The following ADA2 variants were observed in gnomAD, a reference collection of about 807,000 sequenced individuals.
ADA2 encodes the protein adenosine deaminase 2.
ADA2 carries 29 observed loss-of-function variants against 44.2 expected under a neutral mutation model. The ratio of observed to expected loss-of-function variants is 0.66; its 90% CI spans 0.49 to 0.89. The LOEUF (loss-of-function observed/expected upper bound fraction) is 0.89. ADA2 is among the 40% of genes least tolerant of loss of function. The pLI, the probability that ADA2 is intolerant of heterozygous loss-of-function variation, is 0.00. For synonymous variants in ADA2, 215 were observed against 234.9 expected (o/e 0.92, Z 0.77); for missense variants, 637 against 644.8 (o/e 0.99, Z 0.13).
At chr22:17,185,884 C>G (rs1444615504) in intron 7 of ADA2, among the ~76,000 whole-genome samples, 5 of 152,224 alleles carry the variant, frequency 3.3e-5, no homozygotes, top group Admixed American at 2.0e-4. Flanking sequence ...GAGCTGCCCT[C>G]CTGGTCCCGG....
chr22:17,185,286 C>T (rs1467664576), intron 7 of ADA2, among the ~76,000 whole-genome samples: 4 of 151,314 alleles, frequency 2.6e-5, no homozygotes, highest in Non-Finnish European at 5.9e-5. Context: ...TGGTGGCAGG[C>T]GCCCGAGTAG....
rs763728425 is a variant in ADA2 at position 17,182,709 on chromosome 22, G to T, written c.1134C>A (p.Asn378Lys). 1.2e-6 allele frequency: 2 copies of T among 1,613,958 alleles called. No homozygotes were observed. Among genetic ancestry groups the T allele is most frequent in the South Asian group, 2.2e-5 (2 of 91,032 alleles). ...CAAATCCATGGCCGATTCTGGTAGT[G>T]TTCAGCATCAGAGCATCCAGAATGT... Reference protein sequence around the residue: ...DRNILDALMLNTTRIGHGFAL... With the variant: ...DRNILDALMLKTTRIGHGFAL... The change falls in exon 8 of 10, where the codon AAC becomes AAA. Residue 378 changes from asparagine to lysine, a missense_variant. Asn to Lys is a moderately conservative substitution (Grantham distance 94, BLOSUM62 0). Coordinates refer to ENST00000399837, the MANE Select transcript of ADA2 (RefSeq NM_001282225.2).
chr22:17,203,437 G>A (rs1463073040), intron 4 of ADA2, 126 bp downstream of exon 4: 9 of 729,246 alleles, frequency 1.2e-5, no homozygotes, highest in African/African-American at 1.2e-4. Context: ...CCCTGGAAAG[G>A]CACATGATCC....
chr22:17,186,724 C>T (rs2062039951), intron 7 of ADA2, among the ~76,000 whole-genome samples: 1 of 151,804 alleles, frequency 6.6e-6, no homozygotes, highest in South Asian at 2.1e-4. Flanking sequence ...CAAAAATTAG[C>T]TAGGCATGGT....
rs560423380 is a variant in ADA2, at chr22:17,213,060, G to A, written c.-46-3337C>T. On this transcript the variant is annotated intron_variant, in intron 1 of 9. Transcript: ENST00000399837. Reference sequence around the variant, plus strand: ...CTGCCTCTACCTCCCGACATTCTGGGATTATAGATCTGAGCCACCAGGCCC... The same window carrying A: ...CTGCCTCTACCTCCCGACATTCTGGAATTATAGATCTGAGCCACCAGGCCC... Among the ~76,000 whole-genome samples, 43 of 151,842 alleles carry A rather than the reference G, an allele frequency of 2.8e-4. 1 individual carries two copies. The South Asian group carries it at 4.8e-3, about 17-fold the overall frequency.
chr22:17,195,179 G>C (rs1342317169), intron 4 of ADA2, among the ~76,000 whole-genome samples: 1 of 152,034 alleles, frequency 6.6e-6, no homozygotes, highest in African/African-American at 2.4e-5. Flanking sequence ...AACTTCTTTG[G>C]TGCTTCACGT....
intron 4 of ADA2, among the ~76,000 whole-genome samples, chr22:17,196,607 C>A (rs986529314): frequency 2.0e-5 from 3 of 152,092 alleles, no homozygotes; most frequent in Non-Finnish European, 2.9e-5. Flanking sequence ...CCCACACCCC[C>A]CAGCTAGATT....
Position 17,207,233 on chromosome 22 carries a change from T to A in ADA2, c.380A>T (p.Asn127Ile), listed in dbSNP as rs547716532. 6.8e-6 allele frequency: 11 copies of A among 1,613,646 alleles called. No homozygotes were observed. The highest frequency in any genetic ancestry group is 8.5e-6 in the Non-Finnish European group (10 of 1,179,606). Residue 127 changes from asparagine (N) to isoleucine (I), a missense_variant, in exon 3 of 10, where the codon AAT becomes ATT. By Grantham distance (149) the Asn-to-Ile change is moderately radical (BLOSUM62 -3). Transcript: ENST00000399837. ...GIVTMDWLVR[N>I]VTYRPHCHIC... ...GTGGCAGTGAGGCCTGTAGGTGACA[T>A]TCCTCACCAGCCAGTCCATAGTCAC...
intron 5 of ADA2, among the ~76,000 whole-genome samples, chr22:17,190,325 G>A (rs982649415): frequency 5.9e-5 from 9 of 152,186 alleles, no homozygotes; most frequent in Non-Finnish European, 1.0e-4. Context: ...ATTTGTCTGC[G>A]TTTAGAGGAG....
At chr22:17,194,030 A>G (rs1356926794) in intron 4 of ADA2, among the ~76,000 whole-genome samples, 1 of 151,570 alleles carries the variant, frequency 6.6e-6, no homozygotes, top group African/African-American at 2.4e-5. Context: ...AAAAAAAAAA[A>G]AAAAAGAAAC....
rs58754958 is a variant in ADA2 at position 17,181,809 on chromosome 22, A to G, written c.1442+11T>C. The G allele has an allele frequency of 0.31, 495,160 of 1,607,306 alleles. 80,978 individuals are homozygous for G. Among genetic ancestry groups the G allele is most frequent in the Non-Finnish European group, 0.34 (401,369 of 1,174,866 alleles). On this transcript the variant is annotated intron_variant, in intron 9 of 9. Coordinates refer to ENST00000399837, the MANE Select transcript of ADA2 (RefSeq NM_001282225.2). ...GGAGGCGGGGGACCTGGGAGGACAC[A>G]GGACACTCACTTGATAGAGTTCATG... is the stretch of plus-strand genomic sequence containing the variant.
chr22:17,203,044 GA>G (rs2062309633), intron 4 of ADA2, among the ~76,000 whole-genome samples: 1 of 152,120 alleles, frequency 6.6e-6, no homozygotes, highest in Non-Finnish European at 1.5e-5. Flanking sequence ...AAAGTGCTGG[GA>G]TTACAGGTGT....
At chr22:17,213,105 C>G (rs2062434752) in intron 1 of ADA2, among the ~76,000 whole-genome samples, 1 of 151,998 alleles carries the variant, frequency 6.6e-6, no homozygotes, top group African/African-American at 2.4e-5. Flanking sequence ...TTTTTCTAAT[C>G]ACTGGGGGAG....
At chr22:17,219,677 T>TG (rs2062508328), upstream of ADA2, 1 of 138,326 alleles carries the variant, frequency 7.2e-6, no homozygotes, top group Non-Finnish European at 1.6e-5. Context: ...TTTTTTTTTT[T>TG]TTTTTTTTTT....
In ADA2 at chr22:17,181,884, T is replaced by A. The variant is rs1384535731; in HGVS notation, c.1378A>T (p.Met460Leu). 8 of 1,614,032 alleles carry A rather than the reference T, an allele frequency of 5.0e-6. No homozygotes were observed. Among genetic ancestry groups the A allele is most frequent in the Non-Finnish European group, 8.5e-7 (1 of 1,180,024 alleles). ...GLSYDFYEVFMGIGGMKADLR... is the reference protein window; with the variant it reads ...GLSYDFYEVFLGIGGMKADLR... The stretch of plus-strand genomic sequence containing the variant: ...TCAGCCTTCATCCCCCCAATGCCCA[T>A]GAAGACCTCATAGAAATCATAGGAC... Residue 460 changes from methionine (M) to leucine (L), a missense_variant, in exon 9 of 10, where the codon ATG becomes TTG. Met to Leu is a conservative substitution (Grantham distance 15, BLOSUM62 2). Transcript: ENST00000399837.
intron 8 of ADA2, 66 bp downstream of exon 8, chr22:17,182,538 G>T: frequency 1.3e-6 from 2 of 1,524,452 alleles, no homozygotes; most frequent in Non-Finnish European, 1.8e-6. Flanking sequence ...ACAGCAAAAA[G>T]TTTAAGAGAG....
chr22:17,187,115 C>T (rs1157387848), intron 7 of ADA2, among the ~76,000 whole-genome samples: 3 of 146,290 alleles, frequency 2.1e-5, no homozygotes, highest in South Asian at 2.1e-4. Context: ...GCAAGTGAGC[C>T]GAGATCATAC....
chr22:17,212,624 C>T (rs1032608401), intron 1 of ADA2, among the ~76,000 whole-genome samples: 3 of 152,082 alleles, frequency 2.0e-5, no homozygotes, highest in African/African-American at 7.2e-5. Flanking sequence ...TGATGGAGAG[C>T]TAATATCCAG....
At chr22:17,205,117 A>T (rs528988468) in intron 3 of ADA2, among the ~76,000 whole-genome samples, 1 of 151,964 alleles carries the variant, frequency 6.6e-6, no homozygotes, top group African/African-American at 2.4e-5. Flanking sequence ...TCCCAGGTTC[A>T]AGTGATTCTC....
Sources: gnomAD v4.1 joint callset for allele counts (sites outside exome capture counted in the v4.1 genomes callset) on GRCh38, gnomAD v4.1.1 for gene constraint, MANE v1.5 for transcripts, NCBI Gene and HGNC (gene_info 2026-07-23, HGNC 2026-07-21) for gene names.